Variants in ZNF469 observed in about 807,000 individuals in gnomAD.
ZNF469 encodes the protein zinc finger protein 469.
ZNF469 carries 1 observed loss-of-function variant against 1.0 expected under a neutral mutation model. That is an observed-to-expected ratio of 1.00 (90% confidence interval 0.35 to 4.73). The LOEUF is 4.73. Ranked by LOEUF, ZNF469 falls within the 30% of genes most tolerant of loss-of-function variation. The pLI is 0.16. For missense variants in ZNF469, 6,100 were observed against 5,356.3 expected, an observed-to-expected ratio of 1.14 and a Z score of -4.33; for synonymous variants, 2,703 against 2,363.4, an observed-to-expected ratio of 1.14 and a Z score of -4.17.
chr16:88,432,575 C>G lies in ZNF469; in HGVS notation c.5105C>G (p.Ala1702Gly), dbSNP rs1007031901. ...TTTCAGCCAGTGCAGAAAGCCGGAG[C>G]CTCCAAGACTGGACTTTGCCAGGCA... is the stretch of plus-strand genomic sequence containing the variant. ...FHFQPVQKAG[A>G]SKTGLCQAEG... Residue 1702 changes from alanine (A) to glycine (G), a missense_variant, in exon 3 of 3, where the codon GCC (alanine) becomes GGC (glycine). By Grantham distance (60) the Ala-to-Gly change is moderately conservative. Coordinates refer to ENST00000565624, the MANE Select transcript of ZNF469 (RefSeq NM_001367624.2). 4.5e-6 allele frequency: 7 copies of G among 1,550,306 alleles called. No homozygotes were observed. In the African/African-American group the frequency reaches 9.6e-5, roughly 21 times the overall value.
At chr16:88,229,640 T>C in the ZNF469 span, among the ~76,000 whole-genome samples, 9 of 125,506 alleles carry the variant, frequency 7.2e-5, no homozygotes, top group East Asian at 2.4e-4. Context: ...ATGTCACGTG[T>C]GTGTGCTGAT....
chr16:88,236,344 G>A, the ZNF469 span, among the ~76,000 whole-genome samples: 94 of 152,352 alleles, frequency 6.2e-4, no homozygotes, highest in African/African-American at 2.0e-3. Flanking sequence ...TACTAGACTC[G>A]GGTTGGAATT....
rs75136873 is a variant in ZNF469, at chr16:88,434,249, A to G, written c.6779A>G (p.Lys2260Arg). ...LRIPEDSRKEKLWESPGRATS... is the reference protein window; with the variant it reads ...LRIPEDSRKERLWESPGRATS... ...ATTCCAGAGGATTCCAGAAAAGAGA[A>G]GCTGTGGGAGTCTCCTGGCCGAGCC... The change falls in exon 3 of 3, where the codon AAG becomes AGG. Residue 2260 changes from lysine to arginine, a missense_variant. Lys to Arg is a conservative substitution (Grantham distance 26). Coordinates refer to ENST00000565624, the MANE Select transcript of ZNF469 (RefSeq NM_001367624.2). 5,582 of 1,550,308 alleles carry G rather than the reference A, an allele frequency of 3.6e-3. 170 individuals are homozygous for G. The African/African-American group carries it at 0.064, about 18-fold the overall frequency.
chr16:88,115,561 G>A, the ZNF469 span, among the ~76,000 whole-genome samples: 3 of 151,916 alleles, frequency 2.0e-5, no homozygotes, highest in South Asian at 4.2e-4. Context: ...CAGGACGGTG[G>A]TGTGGAAAGA....
At chr16:88,179,646 C>T in the ZNF469 span, among the ~76,000 whole-genome samples, 6 of 152,308 alleles carry the variant, frequency 3.9e-5, no homozygotes, top group East Asian at 1.2e-3. Context: ...TGGAAGTCTG[C>T]CTTTTACCAG....
At chr16:88,169,095 G>A in the ZNF469 span, among the ~76,000 whole-genome samples, 1 of 152,150 alleles carries the variant, frequency 6.6e-6, no homozygotes, top group Admixed American at 6.5e-5. The surrounding 1 kb of genome is among the most constrained non-coding windows in gnomAD (Gnocchi z 6.1). Flanking sequence ...GGCCGGAAGT[G>A]TGTGCAGCTG....
At chr16:88,414,290 G>T (rs530488651) in intron 1 of ZNF469, among the ~76,000 whole-genome samples, 5 of 152,324 alleles carry the variant, frequency 3.3e-5, no homozygotes, top group African/African-American at 1.2e-4. Context: ...ATCCCATCAC[G>T]CCCGGGCTTC....
At chr16:88,228,171 T>G in the ZNF469 span, among the ~76,000 whole-genome samples, 1 of 152,236 alleles carries the variant, frequency 6.6e-6, no homozygotes, top group Non-Finnish European at 1.5e-5. Flanking sequence ...CAGGAAGACG[T>G]GGCTTTGGAG....
At chr16:88,263,452 C>T in the ZNF469 span, among the ~76,000 whole-genome samples, 1 of 152,162 alleles carries the variant, frequency 6.6e-6, no homozygotes, top group African/African-American at 2.4e-5. Flanking sequence ...GAAGAGGTCA[C>T]CCAGCAGGGA....
the ZNF469 span, among the ~76,000 whole-genome samples, chr16:88,279,758 C>T: frequency 4.0e-5 from 6 of 150,716 alleles, no homozygotes; most frequent in East Asian, 2.0e-4. Context: ...CGGTCAGTAC[C>T]GTGTAGATAT....
At chr16:88,329,081 G>A in the ZNF469 span, among the ~76,000 whole-genome samples, 8 of 152,130 alleles carry the variant, frequency 5.3e-5, no homozygotes, top group Admixed American at 2.0e-4. Context: ...TCCTGTATCC[G>A]ACCCATGATG....
intron 2 of ZNF469, among the ~76,000 whole-genome samples, chr16:88,425,784 C>T (rs1480576529): frequency 6.6e-6 from 1 of 152,226 alleles, no homozygotes; most frequent in Non-Finnish European, 1.5e-5. Flanking sequence ...GCCCTCCTCC[C>T]GGGGTCATGG....
rs918677409 is a variant in ZNF469, at chr16:88,416,167, G to A, written c.-191-8640G>A. On this transcript the variant is annotated intron_variant, in intron 1 of 2. Transcript: ENST00000565624. ...CTCAGGAGACAGCTCATTAAACCTC[G>A]GCTGGGGCAGTGGGAGGACCAGGTG... is the stretch of plus-strand genomic sequence containing the variant. 3.2e-4 allele frequency among the ~76,000 whole-genome samples: 49 copies of A among 152,162 alleles called. 1 individual carries two copies. The highest frequency in any genetic ancestry group is 2.4e-3 in the Admixed American group (36 of 15,266).
chr16:88,433,427 T>C lies in ZNF469; in HGVS notation c.5957T>C (p.Leu1986Pro). The change falls in exon 3 of 3, where the codon CTT becomes CCT. Residue 1986 changes from leucine (L) to proline (P), a missense_variant. Leu to Pro is a moderately conservative substitution (Grantham distance 98, BLOSUM62 -3). Transcript: ENST00000565624. ...GAGGCAGATGGACATTGGGGCTTGCTTGGCCAAGCCGAGAAAACCCAGGGC... is the reference window on the plus strand; with the variant it reads ...GAGGCAGATGGACATTGGGGCTTGCCTGGCCAAGCCGAGAAAACCCAGGGC... ...GLEADGHWGL[L>P]GQAEKTQGQG... 6.5e-7 allele frequency: 1 copy of C among 1,550,338 alleles called. No homozygotes were observed. Among genetic ancestry groups the C allele is most frequent in the East Asian group, 2.4e-5 (1 of 40,912 alleles).
the ZNF469 span, among the ~76,000 whole-genome samples, chr16:88,130,799 C>T: frequency 2.0e-5 from 3 of 151,784 alleles, no homozygotes; most frequent in East Asian, 3.9e-4. Flanking sequence ...GACAGCAATA[C>T]AGATGTTACC....
At chr16:88,293,607 C>G in the ZNF469 span, among the ~76,000 whole-genome samples, 2 of 152,168 alleles carry the variant, frequency 1.3e-5, no homozygotes, top group East Asian at 3.8e-4. Context: ...GTTCTCCCAC[C>G]TGAAGGGGTC....
chr16:88,371,575 G>C, the ZNF469 span, among the ~76,000 whole-genome samples: 1 of 152,146 alleles, frequency 6.6e-6, no homozygotes, highest in African/African-American at 2.4e-5. Flanking sequence ...CCCGGTTCTA[G>C]ATCTCAGCCA....
the ZNF469 span, among the ~76,000 whole-genome samples, chr16:88,373,632 C>T: frequency 1.3e-5 from 2 of 152,208 alleles, no homozygotes; most frequent in African/African-American, 2.4e-5. Flanking sequence ...TAGACTTGCT[C>T]ACATCACAGT....
At chr16:88,267,499 G>A in the ZNF469 span, among the ~76,000 whole-genome samples, 6 of 152,196 alleles carry the variant, frequency 3.9e-5, no homozygotes, top group Admixed American at 6.5e-5. Context: ...GGTCCACCAC[G>A]GACACAGAGC....
Sources: allele counts gnomAD v4.1 joint callset (sites outside exome capture counted in the v4.1 genomes callset), GRCh38; gene constraint gnomAD v4.1.1; non-coding constraint Gnocchi (gnomAD v3.1); transcripts MANE v1.5; gene names NCBI Gene and HGNC (gene_info 2026-07-23, HGNC 2026-07-21).